The following PDCD2 variants were observed in gnomAD, a reference collection of about 807,000 sequenced individuals.
PDCD2 encodes the protein uS5 assembly chaperone PDCD2.
PDCD2 carries 38 observed loss-of-function variants against 38.1 expected under a neutral mutation model. The ratio of observed to expected loss-of-function variants is 1.00; its 90% CI spans 0.77 to 1.31. The LOEUF (loss-of-function observed/expected upper bound fraction) is 1.31. Ranked by LOEUF, PDCD2 falls within the 50% of genes most tolerant of loss-of-function variation. The probability of loss-of-function intolerance (pLI) is 0.00; values close to 1 mark genes in which losing one functional copy is unlikely to be tolerated. For missense variants in PDCD2, 473 were observed against 435.7 expected, an observed-to-expected ratio of 1.09 and a Z score of -0.76; for synonymous variants, 205 against 168.9, an observed-to-expected ratio of 1.21 and a Z score of -1.66.
Position 170,584,522 on chromosome 6 carries a change from C to T in PDCD2, c.60G>A (p.Trp20Ter). Residue 20 changes from tryptophan to a stop codon, truncating the protein, a stop_gained, in exon 1 of 6, where the codon TGG becomes TGA. Coordinates refer to ENST00000541970, the MANE Select transcript of PDCD2 (RefSeq NM_002598.4). LOFTEE classifies it high-confidence loss of function. ...ELGFAESAPA[W>*]RLRSEQFPSK... ...TGGGGAACTGCTCGCTGCGCAGTCG[C>T]CACGCCGGCGCCGACTCGGCGAAGC... The T allele has an allele frequency of 2.2e-6, 3 of 1,367,046 alleles. No homozygotes were observed. The highest frequency in any genetic ancestry group is 2.8e-6 in the Non-Finnish European group (3 of 1,062,108). The allele number at this position is 1,367,046 out of a possible 1,614,324, so 84.7% of individuals were successfully genotyped here.
At chr6:170,582,405 G>T (rs2066954) in intron 3 of PDCD2, 605,301 of 1,481,738 alleles carry the variant, frequency 0.41, 127,591 homozygotes, top group East Asian at 0.78. Flanking sequence ...TTTTGTGTAT[G>T]GCTCAAGGCT....
intron 4 of PDCD2, chr6:170,579,184 A>T (rs1016460948): frequency 5.8e-6 from 3 of 518,328 alleles, no homozygotes; most frequent in Non-Finnish European, 1.0e-5. Flanking sequence ...TCTGACTCAG[A>T]GGGCATCAAA....
intron 4 of PDCD2, chr6:170,579,247 T>C: frequency 2.7e-6 from 1 of 374,120 alleles, no homozygotes; most frequent in Non-Finnish European, 4.7e-6. Flanking sequence ...CTTAATCCTA[T>C]GAATATATTG....
At chr6:170,584,264 G>A (rs754747067) in intron 1 of PDCD2, 35 bp downstream of exon 1, 1 of 1,377,854 alleles carries the variant, frequency 7.3e-7, no homozygotes, top group East Asian at 2.8e-5. Context: ...CGCGTCGGAG[G>A]CATGGCCCCG....
chr6:170,579,902 AG>A (rs958071375), intron 4 of PDCD2, 99 bp downstream of exon 4: 1 of 701,718 alleles, frequency 1.4e-6, no homozygotes, highest in African/African-American at 1.8e-5. Flanking sequence ...TAGGCTCCTA[AG>A]GAACAGACTA....
At position 170,584,555 on chromosome 6, in the gene PDCD2, C is replaced by G; in HGVS notation, c.27G>C (p.Val9=). The change falls in exon 1 of 6, where the codon GTG becomes GTC. Residue 9 remains valine, a synonymous_variant. Coordinates refer to ENST00000541970, the MANE Select transcript of PDCD2 (RefSeq NM_002598.4). MAAAGARP[V]ELGFAESAPA... ...GCGCCGACTCGGCGAAGCCCAGCTCCACAGGCCTGGCCCCGGCGGCAGCCA... is the reference window on the plus strand; with the variant it reads ...GCGCCGACTCGGCGAAGCCCAGCTCGACAGGCCTGGCCCCGGCGGCAGCCA... 1 of 1,343,030 alleles carries G rather than the reference C, an allele frequency of 7.4e-7. No homozygotes were observed. The highest frequency in any genetic ancestry group is 9.5e-7 in the Non-Finnish European group (1 of 1,050,298). The allele number at this position is 1,343,030 out of a possible 1,614,324, so 83.2% of individuals were successfully genotyped here.
In PDCD2 at chr6:170,584,043, T is replaced by G. The variant is rs1019564636; in HGVS notation, c.283+256A>C. ...TCCAAGACAATTTCTATTATCTGAA[T>G]TAACACCATACCTGGTACCCACTGA... On this transcript the variant is annotated intron_variant, in intron 1 of 5. Coordinates refer to ENST00000541970, the MANE Select transcript of PDCD2 (RefSeq NM_002598.4). 13 of 541,394 alleles carry G rather than the reference T, an allele frequency of 2.4e-5. No individual in the cohort carries two copies. In the African/African-American group the frequency reaches 2.6e-4, roughly 11 times the overall value. 33.5% of individuals were successfully genotyped at this position (541,394 alleles called of 1,614,324 possible).
intron 2 of PDCD2, 149 bp downstream of exon 2, chr6:170,583,356 C>CTTT (rs370825740): frequency 4.5e-5 from 36 of 793,378 alleles, no homozygotes; most frequent in Middle Eastern, 2.8e-4. Flanking sequence ...ACTTCACAGC[C>CTTT]TTTTTTTTTT....
Position 170,584,365 on chromosome 6 carries a change from C to T in PDCD2, c.217G>A (p.Asp73Asn), listed in dbSNP as rs1235865501. The change falls in exon 1 of 6, where the codon GAC (aspartate) becomes AAC (asparagine). Residue 73 changes from aspartate to asparagine, a missense_variant. By Grantham distance (23) the Asp-to-Asn change is conservative. Transcript: ENST00000541970. ...QVYAPLPGRP[D>N]AFHRCIFLFC... Reference sequence around the variant, plus strand: ...AGGAAGATGCAGCGGTGGAAGGCGTCCGGGCGGCCAGGCAGCGGCGCATAC... The same window carrying T: ...AGGAAGATGCAGCGGTGGAAGGCGTTCGGGCGGCCAGGCAGCGGCGCATAC... 1.3e-6 allele frequency: 2 copies of T among 1,496,252 alleles called. No homozygotes were observed. Among genetic ancestry groups the T allele is most frequent in the African/African-American group, 1.4e-5 (1 of 69,392 alleles). 92.7% of individuals were successfully genotyped at this position (1,496,252 alleles called of 1,614,324 possible). A position where few individuals can be genotyped will look rare whatever the true frequency, so the allele number is the denominator to read the frequency against.
intron 1 of PDCD2, chr6:170,583,994 G>A: frequency 3.6e-6 from 2 of 550,612 alleles, no homozygotes; most frequent in South Asian, 5.0e-5. Context: ...CCAAAAATAC[G>A]AAAAAGCTAC....
chr6:170,580,144 A>C, intron 3 of PDCD2, 39 bp from the exon 4 acceptor site: 1 of 1,238,082 alleles, frequency 8.1e-7, no homozygotes, highest in African/African-American at 1.5e-5. Context: ...AACAGGAGTA[A>C]TCCCCACAAC....
Position 170,578,896 on chromosome 6 carries a change from T to G in PDCD2, c.837A>C (p.Pro279=), listed in dbSNP as rs1198017599. ...GENIPQEKDI[P]DCPCGAKRIL... ...TTCTCTTGGCACCACAGGGGCAATC[T>G]GGAATATCCTTTTCTTGAGGAATAT... Residue 279 remains proline (P), a synonymous_variant, in exon 5 of 6, where the codon CCA becomes CCC. Coordinates refer to ENST00000541970, the MANE Select transcript of PDCD2 (RefSeq NM_002598.4). 1 of 1,610,710 alleles carries G rather than the reference T, an allele frequency of 6.2e-7. No individual in the cohort carries two copies. Among genetic ancestry groups the G allele is most frequent in the South Asian group, 1.1e-5 (1 of 90,422 alleles).
At chr6:170,582,050 G>GC (rs1779620778) in intron 3 of PDCD2, 1 of 1,445,078 alleles carries the variant, frequency 6.9e-7, no homozygotes, top group African/African-American at 1.4e-5. Context: ...TTCTCCTAAA[G>GC]ATAAGCATTT....
chr6:170,577,892 A>G (rs1242801014), intron 5 of PDCD2, among the ~76,000 whole-genome samples, 175 bp from the exon 6 acceptor site: 1 of 152,234 alleles, frequency 6.6e-6, no homozygotes, highest in African/African-American at 2.4e-5. Flanking sequence ...ATGACTTCAA[A>G]GCCCCTCTCA....
rs891062703 is a variant in PDCD2 at position 170,577,482 on chromosome 6, T to G, written c.*77A>C. ...CACCTCTATTTTTGGTATAAGTATT[T>G]CCTTAGGATAAAATCCCAGAAATGG... On this transcript the variant is annotated 3_prime_UTR_variant, in exon 6 of 6. Transcript: ENST00000541970. 2 of 1,249,410 alleles carry G rather than the reference T, an allele frequency of 1.6e-6. No homozygotes were observed. Among genetic ancestry groups the G allele is most frequent in the Non-Finnish European group, 2.3e-6 (2 of 881,908 alleles). The allele number at this position is 1,249,410 out of a possible 1,614,324, so 77.4% of individuals were successfully genotyped here. A position where few individuals can be genotyped will look rare whatever the true frequency, so the allele number is the denominator to read the frequency against.
chr6:170,578,491 T>C (rs1215054222), intron 5 of PDCD2: 1 of 632,404 alleles, frequency 1.6e-6, no homozygotes, highest in Non-Finnish European at 2.8e-6. Flanking sequence ...ATAAAGTATA[T>C]AGTCAAAGAC....
Position 170,576,309 on chromosome 6 carries a change from T to C in PDCD2, c.*1250A>G, listed in dbSNP as rs1779451420. 6.6e-6 allele frequency: 1 copy of C among 152,214 alleles called. No individual in the cohort carries two copies. Among genetic ancestry groups the C allele is most frequent in the South Asian group, 2.1e-4 (1 of 4,836 alleles). The allele number at this position is 152,214 out of a possible 1,614,324, so 9.4% of individuals were successfully genotyped here. A position where few individuals can be genotyped will look rare whatever the true frequency, so the allele number is the denominator to read the frequency against. On this transcript the variant is annotated 3_prime_UTR_variant, in exon 6 of 6. Coordinates refer to ENST00000541970, the MANE Select transcript of PDCD2 (RefSeq NM_002598.4). The stretch of plus-strand genomic sequence containing the variant: ...AGAACTTTTTAAATTACAAATAAAA[T>C]AGCCAAGTAGACAATTACATTAGCA...
At chr6:170,582,907 A>T in intron 3 of PDCD2, 150 bp downstream of exon 3, 2 of 1,472,896 alleles carry the variant, frequency 1.4e-6, no homozygotes, top group South Asian at 2.9e-5. Context: ...TCCAGGAAGT[A>T]TATTTTTACC....
At position 170,579,865 on chromosome 6, in the gene PDCD2, T is replaced by C. The variant is rs143413130; in HGVS notation, c.762+137A>G. 987 of 605,838 alleles carry C rather than the reference T, an allele frequency of 1.6e-3. 19 individuals are homozygous for C. In the East Asian group the frequency reaches 0.021, roughly 13 times the overall value. 37.5% of individuals were successfully genotyped at this position (605,838 alleles called of 1,614,324 possible). Reference sequence around the variant, plus strand: ...GGCCCATCTGTGTGAGGAACTCCTCTAACAAGATAACAAAAGCCTGCTTTT... The same window carrying C: ...GGCCCATCTGTGTGAGGAACTCCTCCAACAAGATAACAAAAGCCTGCTTTT... On this transcript the variant is annotated intron_variant, in intron 4 of 5. Transcript: ENST00000541970.
Sources: gnomAD v4.1 joint callset for allele counts (sites outside exome capture counted in the v4.1 genomes callset) on GRCh38, gnomAD v4.1.1 for gene constraint, MANE v1.5 for transcripts, NCBI Gene and HGNC (gene_info 2026-07-23, HGNC 2026-07-21) for gene names.